The following PTPN13 variants were observed in gnomAD, a reference collection of about 807,000 sequenced individuals.
The protein encoded by PTPN13 is protein tyrosine phosphatase non-receptor type 13, also known as tyrosine-protein phosphatase non-receptor type 13.
In PTPN13, 191 loss-of-function variants were observed where a neutral mutation model predicts 284.0. The observed-to-expected ratio is 0.67, with a 90% CI of 0.60 to 0.76. The LOEUF (loss-of-function observed/expected upper bound fraction) is 0.76. PTPN13 is among the 30% of genes least tolerant of loss of function. PTPN13 has a pLI of 0.00. For synonymous variants in PTPN13, 986 were observed against 1,022.3 expected (o/e 0.96, Z 0.68); for missense variants, 2,797 against 2,939.9 (o/e 0.95, Z 1.12).
At chr4:86,792,833 C>T (rs1387754381) in intron 40 of PTPN13, among the ~76,000 whole-genome samples, 2 of 152,188 alleles carry the variant, frequency 1.3e-5, no homozygotes, top group Non-Finnish European at 2.9e-5. Context: ...ACCACCAGGC[C>T]TGCCTAACAA....
chr4:86,638,803 T>C (rs1723372645), intron 2 of PTPN13, among the ~76,000 whole-genome samples: 1 of 152,044 alleles, frequency 6.6e-6, no homozygotes, highest in Non-Finnish European at 1.5e-5. Context: ...CCAAAAGCAA[T>C]GGCAACAAAA....
intron 41 of PTPN13, among the ~76,000 whole-genome samples, chr4:86,798,208 A>G (rs946783506): frequency 3.9e-5 from 6 of 152,186 alleles, no homozygotes; most frequent in African/African-American, 1.4e-4. Context: ...GCCTTGTTTG[A>G]TGAGACGAAT....
At chr4:86,653,554 T>A (rs755362282) in intron 2 of PTPN13, among the ~76,000 whole-genome samples, 3 of 151,284 alleles carry the variant, frequency 2.0e-5, no homozygotes, top group Non-Finnish European at 4.4e-5. Flanking sequence ...CAGAAAAACA[T>A]GCACCTAATA....
chr4:86,727,372 A>C lies in PTPN13; in HGVS notation c.1608+4938A>C, dbSNP rs1215595538. Among the ~76,000 whole-genome samples the C allele has an allele frequency of 3.3e-5, 5 of 149,676 alleles. No homozygotes were observed. In the Admixed American group the frequency reaches 3.3e-4, roughly 10 times the overall value. ...TCCCTCTTTTTCTATTCATTGGAAT[A>C]GTTTCAGAAGGAATGGTACCAGCTC... On this transcript the variant is annotated intron_variant, in intron 10 of 47. Coordinates refer to ENST00000411767, the MANE Select transcript of PTPN13 (RefSeq NM_080683.3).
chr4:86,637,491 G>T (rs1392984231), intron 2 of PTPN13, among the ~76,000 whole-genome samples: 6 of 151,706 alleles, frequency 4.0e-5, no homozygotes, highest in Non-Finnish European at 8.8e-5. Context: ...ATGATCAAGT[G>T]GGCTTCATCC....
chr4:86,761,968 G>A (rs1192068811), intron 23 of PTPN13, among the ~76,000 whole-genome samples: 2 of 152,004 alleles, frequency 1.3e-5, no homozygotes, highest in East Asian at 3.9e-4. Flanking sequence ...GCTTTTTCAA[G>A]TGGCGTTTTG....
chr4:86,727,120 G>A (rs1734362540), intron 10 of PTPN13, among the ~76,000 whole-genome samples: 1 of 149,528 alleles, frequency 6.7e-6, no homozygotes, highest in Admixed American at 6.7e-5. Flanking sequence ...TACATTTATT[G>A]ATTTGCCTAT....
At position 86,800,646 on chromosome 4, in the gene PTPN13, T is replaced by C. The variant is rs533704399; in HGVS notation, c.6505+1442T>C. ...CAGCCTGGGTGATAGAGTGAGATCC[T>C]GTCAGAAAGAAAGAAAGAGAGAGAG... On this transcript the variant is annotated intron_variant, in intron 42 of 47. Transcript: ENST00000411767. Among the ~76,000 whole-genome samples the C allele has an allele frequency of 3.0e-5, 4 of 135,080 alleles. No homozygotes were observed. The South Asian group carries it at 8.9e-4, about 30-fold the overall frequency. The allele number at this position is 135,080 out of a possible 152,430, so 88.6% of individuals were successfully genotyped here.
chr4:86,640,606 AG>A (rs1450297106), intron 2 of PTPN13, among the ~76,000 whole-genome samples: 1 of 152,186 alleles, frequency 6.6e-6, no homozygotes, highest in African/African-American at 2.4e-5. Flanking sequence ...AGATGTTCAG[AG>A]GAGGGAGAGA....
chr4:86,685,350 T>G (rs1333638363), intron 3 of PTPN13, among the ~76,000 whole-genome samples: 1 of 152,190 alleles, frequency 6.6e-6, no homozygotes, highest in Non-Finnish European at 1.5e-5. Context: ...GGTTCTCGCC[T>G]ATAATCCCAG....
intron 5 of PTPN13, among the ~76,000 whole-genome samples, chr4:86,691,911 G>A (rs1038399863): frequency 6.6e-6 from 1 of 152,112 alleles, no homozygotes; most frequent in Admixed American, 6.5e-5. Flanking sequence ...CAGCTTACTT[G>A]TCTAGGTTTT....
intron 20 of PTPN13, among the ~76,000 whole-genome samples, chr4:86,755,802 T>G (rs1048297089): frequency 2.0e-5 from 3 of 152,050 alleles, no homozygotes; most frequent in Middle Eastern, 3.2e-3. Context: ...GGATGTTTAG[T>G]AGGTTAGATG....
chr4:86,720,797 C>G (rs913936666), intron 9 of PTPN13, among the ~76,000 whole-genome samples: 5 of 152,006 alleles, frequency 3.3e-5, no homozygotes, highest in Admixed American at 2.0e-4. Flanking sequence ...CAAAACAGAT[C>G]CAGAGAGTGC....
chr4:86,614,448 T>C (rs1297029811), intron 1 of PTPN13, among the ~76,000 whole-genome samples: 2 of 152,174 alleles, frequency 1.3e-5, no homozygotes, highest in African/African-American at 4.8e-5. Flanking sequence ...TATAAAAAAT[T>C]TAATCATTTC....
In PTPN13 at chr4:86,717,189, ATTTTTTT is replaced by A. The variant is rs35080587; in HGVS notation, c.1385+83_1385+89del. ...TTGTTTTTTATTTGAATTAAATGGAATTTTTTTTTTTTTTTTTGAGACGGAGTCTTGC... is the reference window on the plus strand; with the variant it reads ...TTGTTTTTTATTTGAATTAAATGGAATTTTTTTTTTGAGACGGAGTCTTGC... On this transcript the variant is annotated intron_variant, in intron 9 of 47. Coordinates refer to ENST00000411767, the MANE Select transcript of PTPN13 (RefSeq NM_080683.3). The A allele has an allele frequency of 4.1e-6, 3 of 740,106 alleles. No individual in the cohort carries two copies. The Admixed American group carries it at 8.6e-5, about 21-fold the overall frequency. 45.8% of individuals were successfully genotyped at this position (740,106 alleles called of 1,614,324 possible).
intron 38 of PTPN13, among the ~76,000 whole-genome samples, chr4:86,784,867 A>G (rs1269736822): frequency 6.6e-6 from 1 of 152,090 alleles, no homozygotes; most frequent in Admixed American, 6.5e-5. Context: ...GTTTTGTCTG[A>G]TCTATTATAT....
chr4:86,672,624 C>T, intron 3 of PTPN13, 81 bp downstream of exon 3: 1 of 1,125,406 alleles, frequency 8.9e-7, no homozygotes, highest in Non-Finnish European at 1.2e-6. Flanking sequence ...CATGTTTCAA[C>T]CCTCTGAAAA....
intron 2 of PTPN13, among the ~76,000 whole-genome samples, chr4:86,647,244 C>G (rs1272947812): frequency 9.9e-5 from 15 of 152,116 alleles, no homozygotes. Context: ...TATTCCCTAA[C>G]AAATCTGCTT....
At chr4:86,651,700 C>T (rs755713718) in intron 2 of PTPN13, among the ~76,000 whole-genome samples, 2 of 152,116 alleles carry the variant, frequency 1.3e-5, no homozygotes, top group Non-Finnish European at 2.9e-5. Flanking sequence ...CTTCATGCTT[C>T]ACTCTTGGTT....
Sources: allele counts gnomAD v4.1 joint callset (sites outside exome capture counted in the v4.1 genomes callset), GRCh38; gene constraint gnomAD v4.1.1; transcripts MANE v1.5; gene names NCBI Gene and HGNC (gene_info 2026-07-23, HGNC 2026-07-21).